The following PPM1E variants were observed in gnomAD, a reference collection of about 807,000 sequenced individuals.
PPM1E encodes protein phosphatase 1E.
Under a neutral mutation model 65.9 loss-of-function variants are expected in PPM1E, and 20 were observed. The ratio of observed to expected loss-of-function variants is 0.30; its 90% confidence interval spans 0.21 to 0.44. The LOEUF (loss-of-function observed/expected upper bound fraction) is 0.44, where lower values mean the gene tolerates loss of function less well. Ranked by LOEUF, PPM1E falls within the 20% of genes least tolerant of loss-of-function variation. The pLI is 1.00. For missense variants in PPM1E, 713 were observed against 953.1 expected (o/e 0.75, Z 3.32); for synonymous variants, 352 against 374.9 (o/e 0.94, Z 0.70).
intron 1 of PPM1E, among the ~76,000 whole-genome samples, chr17:58,940,285 A>G (rs563962327): frequency 5.9e-5 from 9 of 152,334 alleles, no homozygotes; most frequent in Admixed American, 1.3e-4. Context: ...TGACTGCTCT[A>G]AAATATATTT....
At chr17:58,806,698 C>CTTTT (rs57960498) in intron 1 of PPM1E, among the ~76,000 whole-genome samples, 1 of 135,016 alleles carries the variant, frequency 7.4e-6, no homozygotes, top group Admixed American at 7.9e-5. Context: ...GTTTTGTTTT[C>CTTTT]TTTTTTTTTT....
intron 1 of PPM1E, among the ~76,000 whole-genome samples, chr17:58,922,539 C>T (rs1370603323): frequency 6.6e-6 from 1 of 152,082 alleles, no homozygotes; most frequent in Non-Finnish European, 1.5e-5. Flanking sequence ...CAGATGTGAG[C>T]CATTGAGCCC....
chr17:58,891,856 G>A (rs2051351355), intron 1 of PPM1E, among the ~76,000 whole-genome samples: 3 of 57,660 alleles, frequency 5.2e-5, no homozygotes, highest in South Asian at 5.1e-4. Context: ...TTTTTTTTGA[G>A]ACAGAGTCTT....
chr17:58,953,669 C>A (rs763415042), intron 1 of PPM1E, among the ~76,000 whole-genome samples: 7 of 152,064 alleles, frequency 4.6e-5, no homozygotes, highest in Non-Finnish European at 7.4e-5. Flanking sequence ...TCCAAATTTC[C>A]TAACATCTCA....
intron 1 of PPM1E, among the ~76,000 whole-genome samples, chr17:58,772,471 A>G (rs1567828990): frequency 1.3e-5 from 2 of 152,010 alleles, no homozygotes; most frequent in East Asian, 1.9e-4. Context: ...AAAAAAAGAT[A>G]TAGCAATGCA....
chr17:58,857,763 A>G (rs1312645405), intron 1 of PPM1E, among the ~76,000 whole-genome samples: 1 of 152,112 alleles, frequency 6.6e-6, no homozygotes, highest in Non-Finnish European at 1.5e-5. Flanking sequence ...AATAAATTAG[A>G]GATGATGTCA....
intron 5 of PPM1E, 131 bp downstream of exon 5, chr17:58,972,406 A>G (rs2030692780): frequency 9.9e-7 from 1 of 1,008,158 alleles, no homozygotes; most frequent in Admixed American, 2.8e-5. Context: ...GCTGGAGTGC[A>G]ATGGTGTGAT....
intron 1 of PPM1E, among the ~76,000 whole-genome samples, chr17:58,836,155 T>C (rs1441873039): frequency 6.6e-6 from 1 of 152,130 alleles, no homozygotes. Context: ...AAAACCATCC[T>C]GATATACTCT....
intron 1 of PPM1E, among the ~76,000 whole-genome samples, chr17:58,908,971 A>T (rs1013245638): frequency 1.3e-5 from 2 of 152,194 alleles, no homozygotes; most frequent in African/African-American, 4.8e-5. Context: ...CATAAGATAC[A>T]TACATATGCA....
intron 1 of PPM1E, among the ~76,000 whole-genome samples, chr17:58,770,698 A>T (rs1408053533): frequency 2.0e-5 from 3 of 152,152 alleles, no homozygotes; most frequent in African/African-American, 7.2e-5. Flanking sequence ...TACATTAAGT[A>T]ATTAGGATAT....
chr17:58,851,830 C>T (rs1300459284), intron 1 of PPM1E, among the ~76,000 whole-genome samples: 1 of 152,208 alleles, frequency 6.6e-6, no homozygotes, highest in African/African-American at 2.4e-5. Context: ...ATGTTTAAGT[C>T]TCCGAAGTTT....
At chr17:58,969,843 T>C in intron 4 of PPM1E, 116 bp downstream of exon 4, 1 of 947,588 alleles carries the variant, frequency 1.1e-6, no homozygotes, top group Non-Finnish European at 1.6e-6. Context: ...ATCCAAACTG[T>C]ATTCTTGACT....
chr17:58,851,910 G>A lies in PPM1E; in HGVS notation c.464+95449G>A, dbSNP rs368605343. ...CTACAGAGGCAGGCAGGCCTCCTTC[G>A]GCTGCGGTGGGCTCCACCCAGTTCA... On this transcript the variant is annotated intron_variant, in intron 1 of 6. Transcript: ENST00000308249. 1.7e-3 allele frequency among the ~76,000 whole-genome samples: 255 copies of A among 152,302 alleles called. 1 individual carries two copies. Among genetic ancestry groups the A allele is most frequent in the South Asian group, 8.1e-3 (39 of 4,826 alleles).
chr17:58,927,315 TAG>T (rs1427781479), intron 1 of PPM1E, among the ~76,000 whole-genome samples: 1 of 151,682 alleles, frequency 6.6e-6, no homozygotes, highest in African/African-American at 2.4e-5. Flanking sequence ...TTTTTTTTAG[TAG>T]AGAGGGGATT....
At chr17:58,780,300 G>A (rs548388415) in intron 1 of PPM1E, among the ~76,000 whole-genome samples, 1 of 152,306 alleles carries the variant, frequency 6.6e-6, no homozygotes, top group African/African-American at 2.4e-5. Context: ...CTTGAGCCCA[G>A]GAGTTCGAGA....
chr17:58,956,444 A>C (rs954070511), intron 2 of PPM1E, among the ~76,000 whole-genome samples: 2 of 124,136 alleles, frequency 1.6e-5, no homozygotes, highest in East Asian at 2.2e-4. Flanking sequence ...TCAAAAAAAA[A>C]CAAAAAACAA....
intron 1 of PPM1E, among the ~76,000 whole-genome samples, chr17:58,887,229 A>G (rs552111956): frequency 1.6e-4 from 23 of 147,266 alleles, no homozygotes; most frequent in African/African-American, 5.3e-4. Flanking sequence ...CAGTGGTGCA[A>G]TCTTGGCTCA....
Position 58,756,092 on chromosome 17 carries a change from A to AACCC in PPM1E, c.95_96insACCC (p.Glu34AlafsTer20). Reference sequence around the variant, plus strand: ...GGACCGTGCGGCGGCGGCGAGCCGGAGCCGGAACCCGAACCCGAACCCGAA... The same window carrying AACCC: ...GGACCGTGCGGCGGCGGCGAGCCGGAACCCGCCGGAACCCGAACCCGAACCCGAA... On this transcript the variant is annotated frameshift_variant, in exon 1 of 7. Coordinates refer to ENST00000308249, the MANE Select transcript of PPM1E (RefSeq NM_014906.5). LOFTEE classifies it high-confidence loss of function. 1 of 1,600,076 alleles carries AACCC rather than the reference A, an allele frequency of 6.2e-7. No homozygotes were observed. Among genetic ancestry groups the AACCC allele is most frequent in the South Asian group, 1.1e-5 (1 of 90,356 alleles).
intron 1 of PPM1E, among the ~76,000 whole-genome samples, chr17:58,924,858 G>A (rs2143547643): frequency 6.6e-6 from 1 of 151,546 alleles, no homozygotes; most frequent in African/African-American, 2.4e-5. Context: ...TTAGTTTGCT[G>A]AGGATGATGG....
Sources: allele counts gnomAD v4.1 joint callset (sites outside exome capture counted in the v4.1 genomes callset), GRCh38; gene constraint gnomAD v4.1.1; transcripts MANE v1.5; gene names NCBI Gene and HGNC (gene_info 2026-07-23, HGNC 2026-07-21).